The following MRAS variants were observed in gnomAD, a reference collection of about 807,000 sequenced individuals.
The protein encoded by MRAS is ras-related protein M-Ras.
A neutral mutation model predicts 20.9 loss-of-function variants in MRAS; 4 were observed. The observed-to-expected ratio is 0.19, with a 90% CI of 0.09 to 0.44. The LOEUF is 0.44. MRAS is among the 20% of genes least tolerant of loss of function. The pLI, the probability that MRAS is intolerant of heterozygous loss-of-function variation, is 0.99. For missense variants in MRAS, 154 were observed against 277.5 expected (o/e 0.56, Z 3.16); for synonymous variants, 98 against 102.9 (o/e 0.95, Z 0.29).
At chr3:138,354,942 A>G (rs2054300092) in intron 1 of MRAS, among the ~76,000 whole-genome samples, 1 of 151,954 alleles carries the variant, frequency 6.6e-6, no homozygotes. Context: ...CACCATGCCC[A>G]TCTAATTTAA....
intron 1 of MRAS, among the ~76,000 whole-genome samples, chr3:138,356,276 G>T (rs2054332328): frequency 6.6e-6 from 1 of 152,174 alleles, no homozygotes; most frequent in Admixed American, 6.5e-5. Context: ...GTGGATCTGT[G>T]GGGAGATTGC....
chr3:138,379,816 T>C (rs1199775347), intron 2 of MRAS, among the ~76,000 whole-genome samples: 3 of 152,078 alleles, frequency 2.0e-5, no homozygotes, highest in Admixed American at 6.5e-5. Flanking sequence ...TTCAATATAC[T>C]GATTTCCTTT....
chr3:138,372,922 A>C lies in MRAS; in HGVS notation c.39A>C (p.Thr13=). 3 of 1,551,888 alleles carry C rather than the reference A, an allele frequency of 1.9e-6. No individual in the cohort carries two copies. Among genetic ancestry groups the C allele is most frequent in the Non-Finnish European group, 2.6e-6 (3 of 1,155,908 alleles). The change falls in exon 2 of 6, where the codon ACA becomes ACC. Residue 13 remains threonine, a synonymous_variant. Coordinates refer to ENST00000423968, the MANE Select transcript of MRAS (RefSeq NM_001085049.3). ...CCGTCCCCAGTGACAACCTCCCCAC[A>C]TACAAGCTGGTGGTGGTGGGGGATG... The part of the protein sequence containing the change: ...TSAVPSDNLP[T]YKLVVVGDGG...
intron 1 of MRAS, among the ~76,000 whole-genome samples, chr3:138,372,125 A>G (rs779349049): frequency 2.6e-5 from 4 of 152,086 alleles, no homozygotes; most frequent in Non-Finnish European, 4.4e-5. Flanking sequence ...AACAGATGCC[A>G]GTGGTACCCA....
intron 2 of MRAS, among the ~76,000 whole-genome samples, chr3:138,388,091 C>T (rs575564191): frequency 3.3e-5 from 5 of 152,298 alleles, no homozygotes; most frequent in African/African-American, 1.2e-4. Context: ...TGGGGAGTCC[C>T]AGGTGTCCTG....
At chr3:138,401,065 G>A (rs903507323) in intron 5 of MRAS, among the ~76,000 whole-genome samples, 1 of 152,186 alleles carries the variant, frequency 6.6e-6, no homozygotes, top group Admixed American at 6.5e-5. Context: ...CATTGCACAT[G>A]TATCTCCTTT....
chr3:138,382,200 C>G (rs2054919333), intron 2 of MRAS, among the ~76,000 whole-genome samples: 1 of 152,240 alleles, frequency 6.6e-6, no homozygotes, highest in Non-Finnish European at 1.5e-5. Context: ...CCTGCTGCAT[C>G]AGCCATGCTG....
At chr3:138,389,130 G>A (rs2055077195) in intron 2 of MRAS, among the ~76,000 whole-genome samples, 1 of 152,118 alleles carries the variant, frequency 6.6e-6, no homozygotes, top group Non-Finnish European at 1.5e-5. Context: ...GTGAGCCACC[G>A]TGCCCCACCA....
chr3:138,374,265 C>T lies in MRAS; in HGVS notation c.193+1189C>T, dbSNP rs374682710. Among the ~76,000 whole-genome samples the T allele has an allele frequency of 1.1e-4, 17 of 152,236 alleles. No individual in the cohort carries two copies. In the South Asian group the frequency reaches 3.5e-3, roughly 32 times the overall value. On this transcript the variant is annotated intron_variant, in intron 2 of 5. Transcript: ENST00000423968. ...TACAGGCATGAACCACCACGCCTGG[C>T]TTATTTGTAGTTTTCAGTGCATAGG...
chr3:138,397,360 TG>T lies in MRAS; in HGVS notation c.231del (p.Met77IlefsTer45). ...GCTGGGCAGGAGGAATTCAGCGCCA[TG>T]CGGGAGCAATACATGCGCACGGGGG... is the stretch of plus-strand genomic sequence containing the variant. ...DTAGQEEFSA[M>X]REQYMRTGDG... is the part of the protein sequence containing the mutation. On this transcript the variant is annotated frameshift_variant, in exon 3 of 6. Coordinates refer to ENST00000423968, the MANE Select transcript of MRAS (RefSeq NM_001085049.3). LOFTEE classifies it high-confidence loss of function. 1 of 1,614,102 alleles carries T rather than the reference TG, an allele frequency of 6.2e-7. No homozygotes were observed. The highest frequency in any genetic ancestry group is 8.5e-7 in the Non-Finnish European group (1 of 1,179,986).
At chr3:138,389,464 C>G (rs1175884855) in intron 2 of MRAS, among the ~76,000 whole-genome samples, 2 of 149,938 alleles carry the variant, frequency 1.3e-5, no homozygotes, top group Admixed American at 6.7e-5. Context: ...GGGAGATGGA[C>G]TGCATCCCAG....
chr3:138,377,790 G>A (rs1321642267), intron 2 of MRAS, among the ~76,000 whole-genome samples: 2 of 152,238 alleles, frequency 1.3e-5, no homozygotes, highest in Non-Finnish European at 2.9e-5. Flanking sequence ...GTGGCAGCAC[G>A]ATGATGAGGA....
intron 1 of MRAS, among the ~76,000 whole-genome samples, chr3:138,352,914 T>C (rs2054256810): frequency 1.3e-5 from 2 of 152,062 alleles, no homozygotes; most frequent in South Asian, 4.2e-4. Flanking sequence ...CAGCCCTCAG[T>C]GTCGTCATGG....
At position 138,395,488 on chromosome 3, in the gene MRAS, C is replaced by G. The variant is rs56273871; in HGVS notation, c.194-1836C>G. Among the ~76,000 whole-genome samples, 378 of 152,226 alleles carry G rather than the reference C, an allele frequency of 2.5e-3. 1 individual carries two copies. Among genetic ancestry groups the G allele is most frequent in the African/African-American group, 8.7e-3 (363 of 41,524 alleles). On this transcript the variant is annotated intron_variant, in intron 2 of 5. Coordinates refer to ENST00000423968, the MANE Select transcript of MRAS (RefSeq NM_001085049.3). The stretch of plus-strand genomic sequence containing the variant: ...TCACTCCCCTTCTTGCCCTTGCACA[C>G]CTCCACCTTTGAGCCTTCGAATTTG...
At chr3:138,390,652 C>T (rs927224063) in intron 2 of MRAS, among the ~76,000 whole-genome samples, 2 of 146,570 alleles carry the variant, frequency 1.4e-5, no homozygotes, top group African/African-American at 2.5e-5. Context: ...GGCCTGTGGC[C>T]GGGCATTTGC....
chr3:138,360,102 G>A (rs1002946720), intron 1 of MRAS, among the ~76,000 whole-genome samples: 1 of 152,200 alleles, frequency 6.6e-6, no homozygotes, highest in African/African-American at 2.4e-5. Context: ...CCTGTTGCCT[G>A]TACCTATCCC....
At chr3:138,364,256 C>T (rs983894837) in intron 1 of MRAS, among the ~76,000 whole-genome samples, 13 of 152,142 alleles carry the variant, frequency 8.5e-5, no homozygotes, top group Non-Finnish European at 7.4e-5. Context: ...GTTTGCAGGG[C>T]GCTCAAGGAA....
intron 4 of MRAS, among the ~76,000 whole-genome samples, chr3:138,399,484 G>A (rs1241691056): frequency 1.3e-5 from 2 of 152,102 alleles, no homozygotes; most frequent in Non-Finnish European, 2.9e-5. Context: ...ATACTGACTG[G>A]TTTGTGTTCT....
intron 2 of MRAS, among the ~76,000 whole-genome samples, chr3:138,373,300 G>A (rs1406546694): frequency 7.2e-5 from 11 of 152,196 alleles, no homozygotes; most frequent in Non-Finnish European, 1.3e-4. Flanking sequence ...CAGCAAAGAG[G>A]GGAGGCTAGA....
Sources: allele counts gnomAD v4.1 joint callset (sites outside exome capture counted in the v4.1 genomes callset), GRCh38; gene constraint gnomAD v4.1.1; transcripts MANE v1.5; gene names NCBI Gene and HGNC (gene_info 2026-07-23, HGNC 2026-07-21).